DST: variants seen among roughly 807,000 people sequenced by gnomAD.
DST encodes the protein bullous pemphigoid antigen.
Under a neutral mutation model 875.2 loss-of-function variants are expected in DST, and 253 were observed. The observed-to-expected ratio is 0.29, with a 90% CI of 0.26 to 0.32. DST has a LOEUF of 0.32. Among genes scored for constraint, DST ranks in the 10% least tolerant of loss-of-function variants. The pLI is 1.00. For synonymous variants in DST, 3,124 were observed against 3,197.1 expected, an observed-to-expected ratio of 0.98 and a Z score of 0.77; for missense variants, 8,287 against 9,111.6, an observed-to-expected ratio of 0.91 and a Z score of 3.68.
At chr6:56,533,033 T>G (rs546737790) in intron 63 of DST, among the ~76,000 whole-genome samples, 1 of 152,236 alleles carries the variant, frequency 6.6e-6, no homozygotes, top group South Asian at 2.1e-4. Flanking sequence ...GGCTCTTGGC[T>G]CCTTTTACTA....
Position 56,557,360 on chromosome 6 carries a change from T to A in DST, c.14599A>T (p.Ile4867Phe). Residue 4867 changes from isoleucine to phenylalanine, a missense_variant, in exon 59 of 104, where the codon ATT (isoleucine) becomes TTT (phenylalanine). Transcript: ENST00000680361. ...LMVSVLGPLSIDPNMLNTQRQ... is the reference protein window; with the variant it reads ...LMVSVLGPLSFDPNMLNTQRQ... ...TGTGTGTTTAGCATATTTGGGTCAATTGACAAGGGCCCAAGAACACTGACC... is the reference window on the plus strand; with the variant it reads ...TGTGTGTTTAGCATATTTGGGTCAAATGACAAGGGCCCAAGAACACTGACC... 1 of 1,613,724 alleles carries A rather than the reference T, an allele frequency of 6.2e-7. No homozygotes were observed. The highest frequency in any genetic ancestry group is 8.5e-7 in the Non-Finnish European group (1 of 1,179,706).
In DST at chr6:56,606,162, C is replaced by A. The variant is rs990909369; in HGVS notation, c.8466G>T (p.Glu2822Asp). 2 of 1,604,658 alleles carry A rather than the reference C, an allele frequency of 1.2e-6. No homozygotes were observed. Residue 2822 changes from glutamate to aspartate, a missense_variant, in exon 40 of 104, where the codon GAG (glutamate) becomes GAT (aspartate). Transcript: ENST00000680361. Reference protein sequence around the residue: ...IDEEGGGIRDENGKPRCQNVA... With the variant: ...IDEEGGGIRDDNGKPRCQNVA... ...CATTTTGGCACCTGGGCTTTCCATT[C>A]TCATCTCTTATACCTCCTCCTTCTT...
chr6:56,822,996 A>AT, intron 4 of DST, among the ~76,000 whole-genome samples: 1 of 151,354 alleles, frequency 6.6e-6, no homozygotes, highest in South Asian at 2.1e-4. Context: ...AGCCTGGCTA[A>AT]TTTTTTTTGT....
At chr6:56,688,431 A>G (rs2099203024) in intron 9 of DST, among the ~76,000 whole-genome samples, 1 of 152,226 alleles carries the variant, frequency 6.6e-6, no homozygotes, top group Non-Finnish European at 1.5e-5. Flanking sequence ...ACATTCTGAG[A>G]TAGCTCTTAA....
chr6:56,489,417 G>T (rs1360997475), intron 86 of DST, 73 bp downstream of exon 86: 1 of 1,437,792 alleles, frequency 7.0e-7, no homozygotes. Flanking sequence ...ATAAACACGT[G>T]ATGAAGTAAG....
At chr6:56,733,446 C>T (rs191100725) in intron 5 of DST, among the ~76,000 whole-genome samples, 2 of 152,334 alleles carry the variant, frequency 1.3e-5, no homozygotes, top group Non-Finnish European at 1.5e-5. Context: ...CTACACCATA[C>T]GCTCTCATTT....
intron 61 of DST, among the ~76,000 whole-genome samples, chr6:56,551,662 T>C (rs1249783183): frequency 6.6e-6 from 1 of 152,190 alleles, no homozygotes; most frequent in Non-Finnish European, 1.5e-5. Flanking sequence ...GGCATGAGCC[T>C]AAGACCTTTG....
chr6:56,640,353 T>C lies in DST; in HGVS notation c.2280A>G (p.Pro760=), dbSNP rs927507068. The change falls in exon 18 of 104, where the codon CCA becomes CCG. Residue 760 remains proline (P), a synonymous_variant. Coordinates refer to ENST00000680361, the MANE Select transcript of DST (RefSeq NM_001374736.1). The part of the protein sequence containing the change: ...LSSGMTSRLT[P]SVTPAYTPGF... ...CAGGTGTATAAGCTGGAGTGACAGA[T>C]GGAGTCAGGCGGGAAGTCATCCCTG... is the stretch of plus-strand genomic sequence containing the variant. 1.9e-6 allele frequency: 3 copies of C among 1,614,048 alleles called. No individual in the cohort carries two copies. The highest frequency in any genetic ancestry group is 2.5e-6 in the Non-Finnish European group (3 of 1,180,020).
chr6:56,557,410 T>C lies in DST; in HGVS notation c.14549A>G (p.Gln4850Arg), dbSNP rs1487886693. ...CATAAGTTCTTTTTCCACAAGCCAC[T>C]GTTTCAATTGGGCCTCTACAGTCTG... ...QFQTVEAQLK[Q>R]WLVEKELMVS... Residue 4850 changes from glutamine (Q) to arginine (R), a missense_variant, in exon 59 of 104, where the codon CAG (glutamine) becomes CGG (arginine). Physicochemically the swap from Gln to Arg is conservative, Grantham distance 43. Transcript: ENST00000680361. 6.2e-7 allele frequency: 1 copy of C among 1,613,674 alleles called. No homozygotes were observed. Among genetic ancestry groups the C allele is most frequent in the African/African-American group, 1.3e-5 (1 of 74,914 alleles).
At chr6:56,550,399 A>G (rs1053592281) in intron 61 of DST, among the ~76,000 whole-genome samples, 3 of 152,236 alleles carry the variant, frequency 2.0e-5, no homozygotes, top group African/African-American at 7.2e-5. Flanking sequence ...TTATCACTCT[A>G]TATTTCTTCA....
rs751455149 is a variant in DST at position 56,604,527 on chromosome 6, A to C, written c.10101T>G (p.His3367Gln). Residue 3367 changes from histidine to glutamine, a missense_variant, in exon 40 of 104, where the codon CAT (histidine) becomes CAG (glutamine). Coordinates refer to ENST00000680361, the MANE Select transcript of DST (RefSeq NM_001374736.1). Reference protein sequence around the residue: ...DILKSRLKEGHMNPQEVEEPS... With the variant: ...DILKSRLKEGQMNPQEVEEPS... Reference sequence around the variant, plus strand: ...GTTCTTCAACCTCTTGAGGGTTCATATGACCTTCTTTCAACCTGCTTTTTA... The same window carrying C: ...GTTCTTCAACCTCTTGAGGGTTCATCTGACCTTCTTTCAACCTGCTTTTTA... 6.2e-7 allele frequency: 1 copy of C among 1,612,492 alleles called. No individual in the cohort carries two copies. Among genetic ancestry groups the C allele is most frequent in the Non-Finnish European group, 8.5e-7 (1 of 1,179,092 alleles).
At chr6:56,487,043 C>T (rs1044132184) in intron 87 of DST, 61 bp downstream of exon 87, 41 of 1,538,888 alleles carry the variant, frequency 2.7e-5, no homozygotes, top group Admixed American at 1.4e-4. Context: ...CGCAAAGCAC[C>T]ATTACTGTGT....
chr6:56,526,178 T>TA, intron 69 of DST, among the ~76,000 whole-genome samples, 183 bp downstream of exon 69: 1 of 152,344 alleles, frequency 6.6e-6, no homozygotes, highest in East Asian at 1.9e-4. Flanking sequence ...ATGTGCAGAT[T>TA]AGCCTTGCCC....
In DST at chr6:56,501,312, A is replaced by G. The variant is rs896899805; in HGVS notation, c.19741-77T>C. ...ACATGTCTATAAAACAAGGACAAAAATAATTGTTTCATGTTGTATAAGTCC... is the reference window on the plus strand; with the variant it reads ...ACATGTCTATAAAACAAGGACAAAAGTAATTGTTTCATGTTGTATAAGTCC... On this transcript the variant is annotated intron_variant, in intron 79 of 103. Transcript: ENST00000680361. The G allele has an allele frequency of 2.9e-5, 41 of 1,429,698 alleles. No individual in the cohort carries two copies. The Middle Eastern group carries it at 9.1e-4, about 32-fold the overall frequency. The allele number at this position is 1,429,698 out of a possible 1,614,324, so 88.6% of individuals were successfully genotyped here.
chr6:56,933,060 G>T (rs1811145833), intron 2 of DST, among the ~76,000 whole-genome samples: 1 of 152,014 alleles, frequency 6.6e-6, no homozygotes, highest in South Asian at 2.1e-4. Flanking sequence ...ACAGCATGTA[G>T]ACCTCAGATA....
intron 4 of DST, among the ~76,000 whole-genome samples, chr6:56,775,031 C>T (rs2099675817): frequency 6.6e-6 from 1 of 151,672 alleles, no homozygotes; most frequent in Admixed American, 6.6e-5. Flanking sequence ...ATACAAATCC[C>T]TAACATCCGG....
intron 75 of DST, among the ~76,000 whole-genome samples, chr6:56,507,416 G>A (rs1396193756): frequency 6.6e-6 from 1 of 152,194 alleles, no homozygotes; most frequent in Non-Finnish European, 1.5e-5. Context: ...CCCTCAAGGG[G>A]CCCACACTAC....
chr6:56,901,523 A>C (rs1053422057), intron 2 of DST, among the ~76,000 whole-genome samples: 1 of 152,208 alleles, frequency 6.6e-6, no homozygotes, highest in Non-Finnish European at 1.5e-5. Flanking sequence ...TGAACCTGGG[A>C]GGCAGAGGTT....
At chr6:56,564,828 A>G (rs1241682528) in intron 55 of DST, among the ~76,000 whole-genome samples, 1 of 152,194 alleles carries the variant, frequency 6.6e-6, no homozygotes, top group Non-Finnish European at 1.5e-5. Context: ...TGAGATAATA[A>G]TGTGGGTTTT....
Sources: gnomAD v4.1 joint callset for allele counts (sites outside exome capture counted in the v4.1 genomes callset) on GRCh38, gnomAD v4.1.1 for gene constraint, MANE v1.5 for transcripts, NCBI Gene and HGNC (gene_info 2026-07-23, HGNC 2026-07-21) for gene names.